Variants in TENM3 observed in about 807,000 individuals in gnomAD.
TENM3 encodes the protein teneurin-3.
Under a neutral mutation model 255.1 loss-of-function variants are expected in TENM3, and 63 were observed. The ratio of observed to expected loss-of-function variants is 0.25; its 90% confidence interval spans 0.20 to 0.30. The LOEUF is 0.30. TENM3 is among the 10% of genes least tolerant of loss of function. The probability of loss-of-function intolerance (pLI) is 1.00; values close to 1 mark genes in which losing one functional copy is unlikely to be tolerated. For synonymous variants in TENM3, 1,306 were observed against 1,322.3 expected (o/e 0.99, Z 0.27); for missense variants, 2,929 against 3,461.1 (o/e 0.85, Z 3.86).
At chr4:181,516,549 G>C in the TENM3 span, among the ~76,000 whole-genome samples, 1 of 152,088 alleles carries the variant, frequency 6.6e-6, no homozygotes, top group Non-Finnish European at 1.5e-5. Flanking sequence ...GGGAGGCCGA[G>C]GCGGGCAGAT....
chr4:182,160,103 C>A (rs1055989730), intron 1 of TENM3, among the ~76,000 whole-genome samples: 10 of 150,450 alleles, frequency 6.6e-5, no homozygotes, highest in African/African-American at 2.4e-4. Context: ...CCCGGGTTCA[C>A]GCCATTCTCC....
chr4:182,282,647 CT>C (rs901045487), intron 1 of TENM3, among the ~76,000 whole-genome samples: 1 of 152,066 alleles, frequency 6.6e-6, no homozygotes. Context: ...AATCCCAGCA[CT>C]TTGGGAGGCC....
At chr4:182,228,732 C>A (rs1245409721) in intron 1 of TENM3, among the ~76,000 whole-genome samples, 5 of 152,144 alleles carry the variant, frequency 3.3e-5, no homozygotes. Flanking sequence ...GATGAACCAT[C>A]AAGCTTTTGA....
chr4:182,281,512 T>C (rs983162692), intron 1 of TENM3, among the ~76,000 whole-genome samples: 1 of 151,922 alleles, frequency 6.6e-6, no homozygotes, highest in African/African-American at 2.4e-5. Context: ...TTTTTGTTGT[T>C]GGTGGTGGTG....
At chr4:181,543,780 GC>G in the TENM3 span, among the ~76,000 whole-genome samples, 1 of 152,122 alleles carries the variant, frequency 6.6e-6, no homozygotes, top group Non-Finnish European at 1.5e-5. Context: ...AAGCCCAAGG[GC>G]CACTGCTAGC....
At position 182,214,091 on chromosome 4, in the gene TENM3, C is replaced by T. The variant is rs555956786; in HGVS notation, c.-76+69337C>T. Among the ~76,000 whole-genome samples, 30 of 151,708 alleles carry T rather than the reference C, an allele frequency of 2.0e-4. No individual in the cohort carries two copies. In the East Asian group the frequency reaches 3.3e-3, roughly 17 times the overall value. ...TGCTGGGATTACAGGTGTGAACCAC[C>T]GCGCCTAGCCAGAAATGCAGCTTTT... On this transcript the variant is annotated intron_variant, in intron 1 of 2. Transcript: ENST00000512480.
chr4:182,507,128 G>C (rs533259122), intron 3 of TENM3, among the ~76,000 whole-genome samples: 1 of 145,146 alleles, frequency 6.9e-6, no homozygotes, highest in East Asian at 2.0e-4. Context: ...TTCGTATTAA[G>C]TTTTTAGGTT....
At chr4:182,108,723 A>G in the TENM3 span, among the ~76,000 whole-genome samples, 1 of 152,198 alleles carries the variant, frequency 6.6e-6, no homozygotes, top group African/African-American at 2.4e-5. Flanking sequence ...AAGCCAAGAG[A>G]ACATGCAATG....
At chr4:182,734,698 G>A (rs1761035105) in intron 16 of TENM3, among the ~76,000 whole-genome samples, 1 of 152,198 alleles carries the variant, frequency 6.6e-6, no homozygotes, top group South Asian at 2.1e-4. Context: ...GAGTAGGCCT[G>A]ATGGTTTATT....
chr4:182,320,351 G>A lies in TENM3; in HGVS notation c.-75-3595G>A, dbSNP rs28478533. Among the ~76,000 whole-genome samples, 891 of 152,292 alleles carry A rather than the reference G, an allele frequency of 5.9e-3. 10 individuals carry two copies. Among genetic ancestry groups the A allele is most frequent in the African/African-American group, 0.02 (817 of 41,568 alleles). On this transcript the variant is annotated intron_variant, in intron 1 of 27. Transcript: ENST00000511685. ...GTGAGGTCAAGGGCCACACCTCTGC[G>A]GTCCAGAGAAGAATCTGCTTCGCGC...
chr4:182,271,747 G>A (rs988275070), intron 1 of TENM3, among the ~76,000 whole-genome samples: 4 of 152,194 alleles, frequency 2.6e-5, no homozygotes, highest in Non-Finnish European at 4.4e-5. Context: ...TGACTAAAGC[G>A]TTATTATCCC....
chr4:181,688,641 G>C, the TENM3 span, among the ~76,000 whole-genome samples: 1 of 152,008 alleles, frequency 6.6e-6, no homozygotes, highest in Non-Finnish European at 1.5e-5. Flanking sequence ...TGAGTATCTG[G>C]CTTCAACATT....
chr4:182,666,192 G>A (rs1470940100), intron 6 of TENM3, among the ~76,000 whole-genome samples: 1 of 152,186 alleles, frequency 6.6e-6, no homozygotes, highest in Non-Finnish European at 1.5e-5. Flanking sequence ...AAGAAAGTGG[G>A]TATTTGAGAT....
the TENM3 span, among the ~76,000 whole-genome samples, chr4:181,594,046 G>T: frequency 1.3e-5 from 2 of 149,782 alleles, no homozygotes; most frequent in Admixed American, 1.3e-4. Context: ...TGCCTCCATA[G>T]ATCAGTGAAT....
chr4:182,785,710 GATAA>G (rs1449109069), intron 24 of TENM3, among the ~76,000 whole-genome samples: 707 of 15,224 alleles, frequency 0.046, 7 homozygotes, highest in African/African-American at 0.16. Context: ...CCTGTCTCAA[GATAA>G]AAAAAAAAAA....
At chr4:181,837,697 A>G in the TENM3 span, among the ~76,000 whole-genome samples, 1 of 152,206 alleles carries the variant, frequency 6.6e-6, no homozygotes. Flanking sequence ...GCAGATGATC[A>G]AAAGAAAGAT....
At chr4:182,016,517 C>T in the TENM3 span, among the ~76,000 whole-genome samples, 1 of 152,124 alleles carries the variant, frequency 6.6e-6, no homozygotes, top group African/African-American at 2.4e-5. Context: ...GTGCATTTTC[C>T]CCTTGGCTTC....
chr4:182,253,381 G>A (rs1318387021), intron 1 of TENM3, among the ~76,000 whole-genome samples: 2 of 152,200 alleles, frequency 1.3e-5, no homozygotes, highest in African/African-American at 4.8e-5. Context: ...GCTGAAGCAG[G>A]AGAATCACTT....
At chr4:182,464,999 T>C (rs1309440666) in intron 3 of TENM3, among the ~76,000 whole-genome samples, 2 of 152,194 alleles carry the variant, frequency 1.3e-5, no homozygotes, top group African/African-American at 4.8e-5. Flanking sequence ...AAAGGTTCTT[T>C]GGCATATTAT....
Sources: gnomAD v4.1 joint callset for allele counts (sites outside exome capture counted in the v4.1 genomes callset) on GRCh38, gnomAD v4.1.1 for gene constraint, MANE v1.5 for transcripts, NCBI Gene and HGNC (gene_info 2026-07-23, HGNC 2026-07-21) for gene names.